The following DTNA variants were observed in gnomAD, a reference collection of about 807,000 sequenced individuals.
DTNA encodes the protein dystrophin-related protein 3.
Under a neutral mutation model 100.7 loss-of-function variants are expected in DTNA, and 43 were observed. The ratio of observed to expected loss-of-function variants is 0.43; its 90% CI spans 0.33 to 0.55. DTNA has a LOEUF of 0.55. Ranked by LOEUF, DTNA falls within the 20% of genes least tolerant of loss-of-function variation. DTNA has a pLI of 0.04. For synonymous variants in DTNA, 349 were observed against 347.9 expected, an observed-to-expected ratio of 1.00 and a Z score of -0.04; for missense variants, 798 against 953.9, an observed-to-expected ratio of 0.84 and a Z score of 2.15.
chr18:34,498,266 A>G (rs1372566414), intron 1 of DTNA, among the ~76,000 whole-genome samples: 4 of 151,738 alleles, frequency 2.6e-5, no homozygotes. Flanking sequence ...ATACGAAAAC[A>G]AAAGATTAGC....
intron 3 of DTNA, among the ~76,000 whole-genome samples, chr18:34,767,826 T>C (rs2093569258): frequency 6.6e-6 from 1 of 152,240 alleles, no homozygotes; most frequent in Admixed American, 6.5e-5. Flanking sequence ...ACATGAGTTT[T>C]AGAAGGGACA....
At chr18:34,611,560 C>G (rs2147532532) in intron 1 of DTNA, among the ~76,000 whole-genome samples, 1 of 152,212 alleles carries the variant, frequency 6.6e-6, no homozygotes, top group African/African-American at 2.4e-5. Context: ...CCCGAGACTC[C>G]AGGCATACTC....
intron 1 of DTNA, among the ~76,000 whole-genome samples, chr18:34,527,339 G>C (rs1438807917): frequency 6.6e-6 from 1 of 152,024 alleles, no homozygotes; most frequent in Non-Finnish European, 1.5e-5. Context: ...TCAAGAAATA[G>C]ATTTCCTATC....
rs531369509 is a variant in DTNA, at chr18:34,760,783, G to A, written c.67+4740G>A. 7.2e-5 allele frequency among the ~76,000 whole-genome samples: 11 copies of A among 152,300 alleles called. No individual in the cohort carries two copies. The South Asian group carries it at 2.3e-3, about 32-fold the overall frequency. On this transcript the variant is annotated intron_variant, in intron 2 of 22. Transcript: ENST00000444659. The stretch of plus-strand genomic sequence containing the variant: ...TAGAATAGCCCTACTTGTGCACAGA[G>A]TCTCCTGTTGGCAATCTTGGCCCAG...
intron 1 of DTNA, among the ~76,000 whole-genome samples, chr18:34,686,452 T>C (rs2078913676): frequency 1.3e-5 from 2 of 152,166 alleles, no homozygotes; most frequent in South Asian, 4.1e-4. Flanking sequence ...TATTGATTTG[T>C]GTATGTTGAA....
chr18:34,776,375 C>T (rs151257448), intron 3 of DTNA, among the ~76,000 whole-genome samples: 337 of 152,238 alleles, frequency 2.2e-3, no homozygotes, highest in African/African-American at 7.9e-3. Flanking sequence ...ACTCTGTCGC[C>T]CAGGCTGGAG....
intron 1 of DTNA, among the ~76,000 whole-genome samples, chr18:34,650,788 C>G (rs2060355210): frequency 6.6e-6 from 1 of 152,116 alleles, no homozygotes; most frequent in South Asian, 2.1e-4. Flanking sequence ...TATAGTAGTA[C>G]TAGGATATGT....
At chr18:34,572,900 T>A (rs901654111) in intron 1 of DTNA, among the ~76,000 whole-genome samples, 1 of 152,202 alleles carries the variant, frequency 6.6e-6, no homozygotes, top group Non-Finnish European at 1.5e-5. Context: ...CACACAGATA[T>A]AAGATCAAAT....
intron 1 of DTNA, among the ~76,000 whole-genome samples, chr18:34,661,748 G>C (rs1236879041): frequency 6.6e-6 from 1 of 152,134 alleles, no homozygotes; most frequent in Non-Finnish European, 1.5e-5. Context: ...TAGGAGAGGT[G>C]ACAGAGTTAA....
Position 34,824,303 on chromosome 18 carries a change from G to A in DTNA, c.1002-3290G>A, listed in dbSNP as rs1602715522. Among the ~76,000 whole-genome samples, 10 of 151,972 alleles carry A rather than the reference G, an allele frequency of 6.6e-5. No individual in the cohort carries two copies. The South Asian group carries it at 1.5e-3, about 22-fold the overall frequency. ...ATCCTGGTTAACACGATGAAACCCC[G>A]TCTGTACTAAAAATACAAAAAAAAT... is the stretch of plus-strand genomic sequence containing the variant. On this transcript the variant is annotated intron_variant, in intron 9 of 22. Coordinates refer to ENST00000444659, the MANE Select transcript of DTNA (RefSeq NM_001386795.1).
intron 4 of DTNA, among the ~76,000 whole-genome samples, chr18:34,801,721 G>A (rs2095221781): frequency 1.3e-5 from 2 of 152,034 alleles, no homozygotes; most frequent in East Asian, 1.9e-4. Context: ...ATGTTGGCCA[G>A]GATGGTCTTG....
At chr18:34,836,537 A>G (rs942492056) in intron 11 of DTNA, among the ~76,000 whole-genome samples, 2 of 151,284 alleles carry the variant, frequency 1.3e-5, no homozygotes, top group Admixed American at 1.3e-4. Context: ...AATCCCAACT[A>G]CTCGGGAGGC....
Position 34,882,376 on chromosome 18 carries a change from CT to C in DTNA, c.2295+185del, listed in dbSNP as rs202137769. On this transcript the variant is annotated intron_variant, in intron 21 of 22. Transcript: ENST00000444659. ...TAGACAGTAAACATTTTAAATACTT[CT>C]TTTTTTTTTAAGACAGAATTTCACT... 1.7e-3 allele frequency among the ~76,000 whole-genome samples: 247 copies of C among 149,458 alleles called. 1 individual carries two copies. Among genetic ancestry groups the C allele is most frequent in the African/African-American group, 5.6e-3 (227 of 40,770 alleles).
At chr18:34,711,220 T>G (rs1384191793) in intron 1 of DTNA, among the ~76,000 whole-genome samples, 1 of 152,170 alleles carries the variant, frequency 6.6e-6, no homozygotes, top group East Asian at 1.9e-4. Flanking sequence ...ATGCGTTGTT[T>G]ACATATCACC....
intron 1 of DTNA, among the ~76,000 whole-genome samples, chr18:34,723,410 T>G (rs954014469): frequency 3.3e-5 from 5 of 152,060 alleles, no homozygotes; most frequent in Non-Finnish European, 5.9e-5. Flanking sequence ...AGACGGTATA[T>G]TTGTCAAAAA....
intron 1 of DTNA, among the ~76,000 whole-genome samples, chr18:34,649,900 A>C (rs1289307278): frequency 6.6e-6 from 1 of 152,170 alleles, no homozygotes; most frequent in Admixed American, 6.5e-5. Flanking sequence ...TTGTAAATTC[A>C]CTTTGTTGCT....
rs537949862 is a variant in DTNA at position 34,496,456 on chromosome 18, G to A, written c.-2+2942G>A. Among the ~76,000 whole-genome samples the A allele has an allele frequency of 3.3e-5, 5 of 152,178 alleles. No homozygotes were observed. In the South Asian group the frequency reaches 1.0e-3, roughly 32 times the overall value. On this transcript the variant is annotated intron_variant, in intron 1 of 19. Coordinates refer to the DTNA transcript ENST00000283365. ...TAACTCAGTGTTCCAGTTTTCTAGCGTCTGTTACTTATTTTAGAGACAGCT... is the reference window on the plus strand; with the variant it reads ...TAACTCAGTGTTCCAGTTTTCTAGCATCTGTTACTTATTTTAGAGACAGCT...
intron 1 of DTNA, among the ~76,000 whole-genome samples, chr18:34,624,619 A>C (rs1172951106): frequency 6.6e-6 from 1 of 152,254 alleles, no homozygotes; most frequent in Admixed American, 6.5e-5. Flanking sequence ...CTGATATGTT[A>C]AATAAAGTTG....
chr18:34,857,962 CTTACTTGCTAGTAGTAATGCATTACA>C (rs1429672457), intron 15 of DTNA, among the ~76,000 whole-genome samples: 2 of 152,134 alleles, frequency 1.3e-5, no homozygotes, highest in African/African-American at 4.8e-5. Context: ...GACACATTAC[CTTACTTGCTAGTAGTAATGCATTACA>C]TTACTTGCTA....
Sources: allele counts gnomAD v4.1 joint callset (sites outside exome capture counted in the v4.1 genomes callset), GRCh38; gene constraint gnomAD v4.1.1; transcripts MANE v1.5; gene names NCBI Gene and HGNC (gene_info 2026-07-23, HGNC 2026-07-21).